Variants in TMEM132D observed in about 807,000 individuals in gnomAD.
The protein encoded by TMEM132D is mature OL transmembrane protein.
A neutral mutation model predicts 62.3 loss-of-function variants in TMEM132D; 21 were observed. That is an observed-to-expected ratio of 0.34 (90% CI 0.24 to 0.49). TMEM132D has a LOEUF of 0.49. Among genes scored for constraint, TMEM132D ranks in the 20% least tolerant of loss-of-function variants. TMEM132D has a pLI of 0.99. For synonymous variants in TMEM132D, 621 were observed against 575.6 expected (o/e 1.08, Z -1.13); for missense variants, 1,346 against 1,402.8 (o/e 0.96, Z 0.65).
At chr12:129,138,734 G>T (rs1300592803) in intron 5 of TMEM132D, among the ~76,000 whole-genome samples, 1 of 152,120 alleles carries the variant, frequency 6.6e-6, no homozygotes. Flanking sequence ...AAGAAAGCTG[G>T]CTAGAACTTT....
At chr12:129,802,221 C>G (rs888615645) in intron 1 of TMEM132D, among the ~76,000 whole-genome samples, 1 of 148,006 alleles carries the variant, frequency 6.8e-6, no homozygotes, top group Non-Finnish European at 1.5e-5. Flanking sequence ...AGAGCAACTC[C>G]AAGACACATA....
chr12:129,282,784 T>A (rs1881191671), intron 4 of TMEM132D, among the ~76,000 whole-genome samples: 1 of 152,186 alleles, frequency 6.6e-6, no homozygotes, highest in Admixed American at 6.5e-5. Context: ...GTGCTTCAGA[T>A]CATGATAATC....
intron 3 of TMEM132D, among the ~76,000 whole-genome samples, chr12:129,445,292 ACG>A (rs1873063423): frequency 6.6e-6 from 1 of 152,116 alleles, no homozygotes; most frequent in Admixed American, 6.5e-5. Flanking sequence ...GGGGAACAAC[ACG>A]CTGGGGCCTA....
At chr12:129,271,331 A>G (rs1880848213) in intron 4 of TMEM132D, among the ~76,000 whole-genome samples, 1 of 151,814 alleles carries the variant, frequency 6.6e-6, no homozygotes, top group Non-Finnish European at 1.5e-5. Flanking sequence ...TGATTCTCTG[A>G]CTTGAAATCT....
chr12:129,458,418 T>C (rs1873549464), intron 3 of TMEM132D, among the ~76,000 whole-genome samples: 1 of 151,954 alleles, frequency 6.6e-6, no homozygotes, highest in African/African-American at 2.4e-5. Context: ...TTTTGTCTTT[T>C]AGATAGAGTT....
chr12:129,134,120 G>GTGTA (rs1876471715), intron 5 of TMEM132D, among the ~76,000 whole-genome samples: 2 of 141,336 alleles, frequency 1.4e-5, no homozygotes, highest in African/African-American at 5.8e-5. Context: ...TGTGTGTTGT[G>GTGTA]TGTGTGTGTG....
chr12:129,570,982 G>A (rs746111436), intron 2 of TMEM132D, among the ~76,000 whole-genome samples: 2 of 152,152 alleles, frequency 1.3e-5, no homozygotes, highest in Non-Finnish European at 2.9e-5. Context: ...GAAGCCAAGG[G>A]TGGCTGTGAA....
intron 3 of TMEM132D, among the ~76,000 whole-genome samples, chr12:129,505,683 T>G (rs1283684723): frequency 6.6e-6 from 1 of 152,220 alleles, no homozygotes; most frequent in African/African-American, 2.4e-5. Flanking sequence ...GTAGTAACTG[T>G]TTTATAAATT....
rs143864430 is a variant in TMEM132D at position 129,719,635 on chromosome 12, C to T, written c.80-18937G>A. Among the ~76,000 whole-genome samples, 487 of 152,290 alleles carry T rather than the reference C, an allele frequency of 3.2e-3. 4 individuals are homozygous for T. The highest frequency in any genetic ancestry group is 0.014 in the South Asian group (68 of 4,826). ...AAACTCTTCTGTAAGTGCTGAATTC[C>T]ATAAACATCAGGTAGCTGAGACACT... is the stretch of plus-strand genomic sequence containing the variant. On this transcript the variant is annotated intron_variant, in intron 1 of 8. Transcript: ENST00000422113.
intron 1 of TMEM132D, among the ~76,000 whole-genome samples, chr12:129,871,691 CA>C (rs972877054): frequency 6.6e-6 from 1 of 151,984 alleles, no homozygotes; most frequent in African/African-American, 2.4e-5. Context: ...AAGAATTTAG[CA>C]AGTCAGCTGC....
intron 4 of TMEM132D, among the ~76,000 whole-genome samples, chr12:129,242,348 A>T (rs1375659142): frequency 6.6e-6 from 1 of 152,238 alleles, no homozygotes; most frequent in Non-Finnish European, 1.5e-5. Flanking sequence ...ATGCAGGCAT[A>T]TGGATAGATA....
At chr12:129,817,664 TGGGGG>T (rs1406450653) in intron 1 of TMEM132D, among the ~76,000 whole-genome samples, 1 of 85,600 alleles carries the variant, frequency 1.2e-5, no homozygotes, top group South Asian at 4.9e-4. Context: ...ATGGGGTGTG[TGGGGG>T]GTATGTGTGG....
At chr12:129,888,332 G>A (rs1874809864) in intron 1 of TMEM132D, among the ~76,000 whole-genome samples, 1 of 152,158 alleles carries the variant, frequency 6.6e-6, no homozygotes, top group Non-Finnish European at 1.5e-5. Flanking sequence ...CACTATTGAG[G>A]CAACAACATA....
At chr12:129,776,656 T>C (rs1424673460) in intron 1 of TMEM132D, among the ~76,000 whole-genome samples, 1 of 150,382 alleles carries the variant, frequency 6.6e-6, no homozygotes, top group South Asian at 2.2e-4. Context: ...GATAAACATA[T>C]TTAAATTGAA....
chr12:129,133,851 T>A (rs1031208506), intron 5 of TMEM132D, among the ~76,000 whole-genome samples: 7 of 152,140 alleles, frequency 4.6e-5, no homozygotes, highest in Non-Finnish European at 1.0e-4. Flanking sequence ...TCCTGGCTAT[T>A]TTATGAAGTA....
chr12:129,095,352 T>TC (rs1875076453), intron 5 of TMEM132D, among the ~76,000 whole-genome samples: 1 of 142,832 alleles, frequency 7.0e-6, no homozygotes, highest in Admixed American at 7.0e-5. Flanking sequence ...GCTGGTTTTT[T>TC]TTTTTTTTTT....
intron 1 of TMEM132D, among the ~76,000 whole-genome samples, chr12:129,780,861 T>C (rs1209807827): frequency 1.3e-5 from 2 of 152,178 alleles, no homozygotes; most frequent in Non-Finnish European, 2.9e-5. Context: ...ACCATGTTTC[T>C]GGGGAGACAG....
At chr12:129,730,840 A>G (rs1869210759) in intron 1 of TMEM132D, among the ~76,000 whole-genome samples, 1 of 151,530 alleles carries the variant, frequency 6.6e-6, no homozygotes, top group South Asian at 2.1e-4. Flanking sequence ...TCAGACTCCA[A>G]GTTCTTCAGC....
At chr12:129,743,283 C>T (rs749174341) in intron 1 of TMEM132D, among the ~76,000 whole-genome samples, 14 of 152,294 alleles carry the variant, frequency 9.2e-5, no homozygotes, top group Middle Eastern at 3.4e-3. Flanking sequence ...AATTGCAGTT[C>T]CCATACTCCC....
Sources: gnomAD v4.1 joint callset for allele counts (sites outside exome capture counted in the v4.1 genomes callset) on GRCh38, gnomAD v4.1.1 for gene constraint, MANE v1.5 for transcripts, NCBI Gene and HGNC (gene_info 2026-07-23, HGNC 2026-07-21) for gene names.